RIMS3: variants seen among roughly 807,000 people sequenced by gnomAD.
RIMS3 encodes the protein regulating synaptic membrane exocytosis 3, also known as regulating synaptic membrane exocytosis protein 3.
In RIMS3, 15 loss-of-function variants were observed where a neutral mutation model predicts 29.2. The ratio of observed to expected loss-of-function variants is 0.51; its 90% CI spans 0.34 to 0.79. The LOEUF (loss-of-function observed/expected upper bound fraction) is 0.79, where lower values mean the gene tolerates loss of function less well. Among genes scored for constraint, RIMS3 ranks in the 30% least tolerant of loss-of-function variants. RIMS3 has a pLI of 0.01. For synonymous variants in RIMS3, 161 were observed against 170.1 expected (o/e 0.95, Z 0.41); for missense variants, 342 against 421.4 (o/e 0.81, Z 1.65).
At position 40,621,711 on chromosome 1, in the gene RIMS3, T is replaced by G. The variant is rs1052934028; in HGVS notation, c.*4806A>C. 2.0e-5 allele frequency: 3 copies of G among 152,166 alleles called. No individual in the cohort carries two copies. The highest frequency in any genetic ancestry group is 7.2e-5 in the African/African-American group (3 of 41,428). 9.4% of individuals were successfully genotyped at this position (152,166 alleles called of 1,614,324 possible). On this transcript the variant is annotated 3_prime_UTR_variant, in exon 8 of 8. Coordinates refer to ENST00000372684, the MANE Select transcript of RIMS3 (RefSeq NM_014747.3). ...AAAACTGTACAGAACAGCCTTTGATTCCCTGTAGCCAGCTGTCCCTGTCCA... is the reference window on the plus strand; with the variant it reads ...AAAACTGTACAGAACAGCCTTTGATGCCCTGTAGCCAGCTGTCCCTGTCCA...
the RIMS3 span, chr1:40,690,697 A>G: frequency 6.6e-6 from 1 of 152,220 alleles, no homozygotes; most frequent in South Asian, 2.1e-4. Flanking sequence ...ACTATTCTCA[A>G]TTACTTTATC....
chr1:40,657,698 G>GACCC (rs1228852308), intron 1 of RIMS3, among the ~76,000 whole-genome samples: 1 of 146,028 alleles, frequency 6.8e-6, no homozygotes, highest in Non-Finnish European at 1.5e-5. Context: ...AGTGAGCCGT[G>GACCC]ACCCAGCCAT....
rs570224776 is a variant in RIMS3, at chr1:40,626,966, C to T, written c.715-237G>A. 8.5e-5 allele frequency among the ~76,000 whole-genome samples: 13 copies of T among 152,320 alleles called. No homozygotes were observed. In the East Asian group the frequency reaches 2.5e-3, roughly 29 times the overall value. On this transcript the variant is annotated intron_variant, in intron 7 of 7. Coordinates refer to ENST00000372684, the MANE Select transcript of RIMS3 (RefSeq NM_014747.3). ...AACAAGCCATGTAGGTAGGGGTGCT[C>T]TGTATCATTATTTCCATGAAGGAAA... is the stretch of plus-strand genomic sequence containing the variant.
chr1:40,677,185 A>G, the RIMS3 span, among the ~76,000 whole-genome samples: 1 of 151,768 alleles, frequency 6.6e-6, no homozygotes, highest in South Asian at 2.1e-4. Flanking sequence ...AATTATTTTT[A>G]GTAGAAATGG....
At position 40,636,727 on chromosome 1, in the gene RIMS3, G is replaced by A. The variant is rs2148347682; in HGVS notation, c.218-670C>T. Among the ~76,000 whole-genome samples the A allele has an allele frequency of 6.6e-6, 1 of 152,334 alleles. No homozygotes were observed. The highest frequency in any genetic ancestry group is 2.1e-4 in the South Asian group (1 of 4,824). ...TGTCTTTGGCTTTGAGAAAAGGTCT[G>A]CAGAAGAACCCCGAAGCTGGCCTGT... On this transcript the variant is annotated intron_variant, in intron 3 of 7. Transcript: ENST00000372684. The surrounding 1 kb of genome is among the most constrained non-coding windows in gnomAD (Gnocchi z 4.2).
chr1:40,668,004 G>A (rs1057365727), upstream of RIMS3, among the ~76,000 whole-genome samples: 2 of 152,062 alleles, frequency 1.3e-5, no homozygotes, highest in African/African-American at 4.8e-5. Flanking sequence ...TGTAATCCCA[G>A]CACTTTGGGA....
chr1:40,682,809 C>T, the RIMS3 span, among the ~76,000 whole-genome samples: 118 of 125,804 alleles, frequency 9.4e-4, 1 homozygote, highest in Non-Finnish European at 1.5e-3. Context: ...GGTGTGATCT[C>T]GGCTCACTGC....
In RIMS3 at chr1:40,626,371, C is replaced by T. The variant is rs1157145322; in HGVS notation, c.*146G>A. On this transcript the variant is annotated 3_prime_UTR_variant, in exon 8 of 8. Coordinates refer to ENST00000372684, the MANE Select transcript of RIMS3 (RefSeq NM_014747.3). Reference sequence around the variant, plus strand: ...GCACACACGCACACACTACAGTCTCCACTGCCAGCTGGGATGAGCCCAGTA... The same window carrying T: ...GCACACACGCACACACTACAGTCTCTACTGCCAGCTGGGATGAGCCCAGTA... 9.4e-6 allele frequency: 7 copies of T among 747,266 alleles called. No individual in the cohort carries two copies. Among genetic ancestry groups the T allele is most frequent in the Non-Finnish European group, 1.4e-5 (6 of 431,496 alleles). 46.3% of individuals were successfully genotyped at this position (747,266 alleles called of 1,614,324 possible).
rs1215479116 is a variant in RIMS3 at position 40,635,913 on chromosome 1, C to T, written c.359+3G>A. 2.5e-6 allele frequency: 4 copies of T among 1,612,470 alleles called. No individual in the cohort carries two copies. The African/African-American group carries it at 4.0e-5, about 16-fold the overall frequency. Reference sequence around the variant, plus strand: ...GGGGACCACAGCACGGGGCTGCACGCACGTGCCGTCGGAGCTGTTGCTGTT... The same window carrying T: ...GGGGACCACAGCACGGGGCTGCACGTACGTGCCGTCGGAGCTGTTGCTGTT... On this transcript the variant is annotated splice_donor_region_variant and intron_variant, in intron 4 of 7. Transcript: ENST00000372684. The surrounding 1 kb of genome is among the most constrained non-coding windows in gnomAD (Gnocchi z 4.1).
At chr1:40,664,084 G>A (rs538460175) in intron 1 of RIMS3, among the ~76,000 whole-genome samples, 10 of 152,278 alleles carry the variant, frequency 6.6e-5, no homozygotes, top group South Asian at 2.1e-4. Context: ...GCAAAGGGTC[G>A]GATAAGTGTA....
the RIMS3 span, among the ~76,000 whole-genome samples, chr1:40,683,854 A>G: frequency 2.6e-5 from 4 of 152,066 alleles, no homozygotes; most frequent in Admixed American, 1.3e-4. Flanking sequence ...CTTTTCCTTT[A>G]TTTATTCTCA....
At chr1:40,665,881 C>A (rs1345424865), upstream of RIMS3, among the ~76,000 whole-genome samples, 2 of 152,142 alleles carry the variant, frequency 1.3e-5, no homozygotes, top group Non-Finnish European at 2.9e-5. Flanking sequence ...AAGCCTCATT[C>A]CTCTCCGTGT....
chr1:40,642,031 C>A (rs1646562249), intron 2 of RIMS3, 75 bp from the exon 3 acceptor site: 1 of 905,420 alleles, frequency 1.1e-6, no homozygotes. Flanking sequence ...CACTTCCTAG[C>A]TGCGTGACCT....
intron 1 of RIMS3, among the ~76,000 whole-genome samples, chr1:40,649,158 C>T (rs1646614121): frequency 6.6e-6 from 1 of 151,922 alleles, no homozygotes. Flanking sequence ...TTTGTCTCCC[C>T]GAAGCCAGGC....
upstream of RIMS3, among the ~76,000 whole-genome samples, chr1:40,666,755 C>T (rs535142174): frequency 7.9e-5 from 12 of 152,212 alleles, no homozygotes; most frequent in Middle Eastern, 3.4e-3. Flanking sequence ...GAGCTGGGTG[C>T]GGTGGCTCAT....
chr1:40,634,694 C>A (rs184832947), intron 4 of RIMS3, among the ~76,000 whole-genome samples: 1 of 152,254 alleles, frequency 6.6e-6, no homozygotes, highest in African/African-American at 2.4e-5. Flanking sequence ...GTAATCCCAG[C>A]ACTTTGGGAA....
chr1:40,680,675 T>C, the RIMS3 span, among the ~76,000 whole-genome samples: 1 of 152,300 alleles, frequency 6.6e-6, no homozygotes, highest in East Asian at 1.9e-4. Flanking sequence ...TGTCTATGTG[T>C]ATATGATTGA....
intron 5 of RIMS3, among the ~76,000 whole-genome samples, chr1:40,632,005 T>C (rs187270785): frequency 8.5e-5 from 13 of 152,190 alleles, no homozygotes; most frequent in Non-Finnish European, 1.8e-4. Flanking sequence ...ATAATAAAAA[T>C]AGCATAGTGT....
chr1:40,675,205 G>A, the RIMS3 span, among the ~76,000 whole-genome samples: 1 of 152,100 alleles, frequency 6.6e-6, no homozygotes, highest in Non-Finnish European at 1.5e-5. Flanking sequence ...GGAGGCAGAG[G>A]TGGCAGTGAG....
Sources: gnomAD v4.1 joint callset for allele counts (sites outside exome capture counted in the v4.1 genomes callset) on GRCh38, gnomAD v4.1.1 for gene constraint, Gnocchi (gnomAD v3.1) non-coding constraint, MANE v1.5 for transcripts, NCBI Gene and HGNC (gene_info 2026-07-23, HGNC 2026-07-21) for gene names.